Variants in RUNX1T1 observed in about 807,000 individuals in gnomAD.
RUNX1T1 encodes the protein RUNX1 partner transcriptional co-repressor 1.
RUNX1T1 carries 4 observed loss-of-function variants against 62.8 expected under a neutral mutation model. The observed-to-expected ratio is 0.06, with a 90% CI of 0.03 to 0.15. RUNX1T1 has a LOEUF of 0.15. Ranked by LOEUF, RUNX1T1 falls within the 10% of genes least tolerant of loss-of-function variation. The probability of loss-of-function intolerance (pLI) is 1.00; values close to 1 mark genes in which losing one functional copy is unlikely to be tolerated. For missense variants in RUNX1T1, 508 were observed against 754.3 expected, an observed-to-expected ratio of 0.67 and a Z score of 3.82; for synonymous variants, 291 against 286.0, an observed-to-expected ratio of 1.02 and a Z score of -0.18.
At chr8:92,039,144 GTTTTTT>G (rs71563486) in intron 1 of RUNX1T1, among the ~76,000 whole-genome samples, 1 of 137,122 alleles carries the variant, frequency 7.3e-6, no homozygotes, top group Non-Finnish European at 1.6e-5. Flanking sequence ...TTTTGTTGTT[GTTTTTT>G]TTTTTTTTTT....
At position 92,011,107 on chromosome 8, in the gene RUNX1T1, T is replaced by C. The variant is rs1400548504; in HGVS notation, c.388-16A>G. 2.1e-6 allele frequency: 3 copies of C among 1,434,448 alleles called. No homozygotes were observed. The highest frequency in any genetic ancestry group is 1.1e-5 in the South Asian group (1 of 87,430). 88.9% of individuals were successfully genotyped at this position (1,434,448 alleles called of 1,614,324 possible). ...AAGTGGAGTTCTATGGAAGAAAATA[T>C]GTAGTATAAATACATTAGCCTGTTG... On this transcript the variant is annotated splice_polypyrimidine_tract_variant and intron_variant, in intron 3 of 10. Coordinates refer to ENST00000396218, the Ensembl canonical transcript of RUNX1T1.
chr8:91,988,274 T>C (rs1468594419), intron 6 of RUNX1T1, among the ~76,000 whole-genome samples: 2 of 152,082 alleles, frequency 1.3e-5, no homozygotes, highest in African/African-American at 4.8e-5. Context: ...AAGCTAAATA[T>C]AAGATGCTTT....
At chr8:92,061,000 A>G (rs1831946017) in intron 1 of RUNX1T1, among the ~76,000 whole-genome samples, 3 of 152,172 alleles carry the variant, frequency 2.0e-5, no homozygotes, top group Non-Finnish European at 4.4e-5. Context: ...TGTATTAACA[A>G]CAACACTAAA....
chr8:92,011,666 C>T (rs1821955698), intron 3 of RUNX1T1, among the ~76,000 whole-genome samples: 2 of 152,192 alleles, frequency 1.3e-5, no homozygotes, highest in Admixed American at 1.3e-4. Context: ...TTTGACCCTT[C>T]TGTGAGTCAA....
chr8:92,085,172 C>T (rs567177329), intron 1 of RUNX1T1, among the ~76,000 whole-genome samples: 2 of 152,318 alleles, frequency 1.3e-5, no homozygotes, highest in South Asian at 4.1e-4. Flanking sequence ...CATCACTATA[C>T]TCGACTGCCT....
intron 8 of RUNX1T1, among the ~76,000 whole-genome samples, chr8:91,981,148 T>C (rs1815151158): frequency 6.6e-6 from 1 of 152,164 alleles, no homozygotes; most frequent in Non-Finnish European, 1.5e-5. Context: ...AAAGAGATTA[T>C]GACCTGCCAA....
intron 5 of RUNX1T1, among the ~76,000 whole-genome samples, chr8:91,996,447 C>T (rs369413054): frequency 1.6e-4 from 24 of 152,256 alleles, no homozygotes; most frequent in Admixed American, 1.4e-3. Flanking sequence ...GCGATCCGCC[C>T]GCCTCGGCCT....
intron 1 of RUNX1T1, among the ~76,000 whole-genome samples, chr8:92,092,068 T>C (rs1198958262): frequency 6.6e-6 from 1 of 152,146 alleles, no homozygotes; most frequent in Non-Finnish European, 1.5e-5. Flanking sequence ...CAAATTACTA[T>C]AGCCACAAGC....
intron 2 of RUNX1T1, 56 bp downstream of exon 2, chr8:92,075,909 T>C (rs1241979942): frequency 6.9e-7 from 1 of 1,452,494 alleles, no homozygotes; most frequent in African/African-American, 1.4e-5. Flanking sequence ...AAAAATAGAT[T>C]GATTTTTCTG....
chr8:91,981,451 G>A (rs1838181), intron 8 of RUNX1T1, among the ~76,000 whole-genome samples: 30,033 of 120,592 alleles, frequency 0.25, 3,322 homozygotes, highest in Middle Eastern at 0.43. Context: ...GTCTCGCTCT[G>A]TCCTCCAGGC....
At position 92,098,147 on chromosome 8, in the gene RUNX1T1, G is replaced by A. The variant is rs756184156; in HGVS notation, c.-86+1433C>T. On this transcript the variant is annotated intron_variant, in intron 1 of 11. Transcript: ENST00000265814. ...TTTCTTTGAGTATGTGAATTCTAGT[G>A]TGCTATAATGTGAGAATTCCAACAT... 6.6e-5 allele frequency among the ~76,000 whole-genome samples: 10 copies of A among 152,178 alleles called. 1 individual carries two copies. Among genetic ancestry groups the A allele is most frequent in the Non-Finnish European group, 4.4e-5 (3 of 68,012 alleles).
intron 5 of RUNX1T1, chr8:91,994,485 A>G: frequency 5.1e-6 from 2 of 394,868 alleles, no homozygotes; most frequent in Non-Finnish European, 1.0e-5. Flanking sequence ...CACAGCACCT[A>G]CCTTACTGGC....
At chr8:92,055,582 C>T (rs1830912386) in intron 1 of RUNX1T1, among the ~76,000 whole-genome samples, 1 of 152,152 alleles carries the variant, frequency 6.6e-6, no homozygotes, top group Non-Finnish European at 1.5e-5. Context: ...GCTAGGACTA[C>T]AAGCACGTGC....
At chr8:92,032,249 A>G (rs945941595) in intron 1 of RUNX1T1, among the ~76,000 whole-genome samples, 10 of 152,102 alleles carry the variant, frequency 6.6e-5, no homozygotes, top group Non-Finnish European at 2.9e-5. Flanking sequence ...AATTTAGTAT[A>G]CAATAATTTC....
intron 1 of RUNX1T1, among the ~76,000 whole-genome samples, chr8:92,043,376 A>T (rs755264402): frequency 4.6e-5 from 7 of 152,110 alleles, no homozygotes; most frequent in Non-Finnish European, 1.0e-4. Flanking sequence ...TCCCAGTCTT[A>T]ACAACCAAAA....
At chr8:91,981,106 C>T (rs575397461) in intron 8 of RUNX1T1, among the ~76,000 whole-genome samples, 1 of 152,144 alleles carries the variant, frequency 6.6e-6, no homozygotes, top group East Asian at 1.9e-4. Context: ...TATATATTAC[C>T]ATCCCCATTT....
chr8:92,009,028 C>G (rs915821062), intron 4 of RUNX1T1, among the ~76,000 whole-genome samples: 5 of 152,160 alleles, frequency 3.3e-5, no homozygotes, highest in African/African-American at 1.2e-4. Flanking sequence ...CATTGCCACA[C>G]AGCTGAGTGA....
At chr8:92,093,229 T>C (rs1295947766) in intron 1 of RUNX1T1, among the ~76,000 whole-genome samples, 1 of 152,178 alleles carries the variant, frequency 6.6e-6, no homozygotes, top group Non-Finnish European at 1.5e-5. Flanking sequence ...TGGCAACAAT[T>C]GTCATGTATA....
intron 1 of RUNX1T1, among the ~76,000 whole-genome samples, chr8:92,061,278 A>G (rs539415144): frequency 3.5e-4 from 53 of 152,224 alleles, no homozygotes; most frequent in Non-Finnish European, 7.2e-4. Flanking sequence ...ATTATGACAT[A>G]AAAATCAGAT....
Sources: gnomAD v4.1 joint callset for allele counts (sites outside exome capture counted in the v4.1 genomes callset) on GRCh38, gnomAD v4.1.1 for gene constraint, MANE v1.5 for transcripts, NCBI Gene and HGNC (gene_info 2026-07-23, HGNC 2026-07-21) for gene names.